Variants in PTCHD4 observed in about 807,000 individuals in gnomAD.
PTCHD4 encodes the protein patched domain-containing protein 4.
Under a neutral mutation model 58.1 loss-of-function variants are expected in PTCHD4, and 33 were observed. That is an observed-to-expected ratio of 0.57 (90% CI 0.43 to 0.76). The LOEUF is 0.76. Among genes scored for constraint, PTCHD4 ranks in the 30% least tolerant of loss-of-function variants. The pLI is 0.00. For missense variants in PTCHD4, 1,058 were observed against 1,027.1 expected (o/e 1.03, Z -0.41); for synonymous variants, 478 against 409.6 (o/e 1.17, Z -2.02).
chr6:47,899,210 G>C (rs1561945926), intron 4 of PTCHD4, among the ~76,000 whole-genome samples: 1 of 152,196 alleles, frequency 6.6e-6, no homozygotes, highest in Non-Finnish European at 1.5e-5. Flanking sequence ...ATATTTCTTA[G>C]TTGCTCCTAT....
At chr6:48,037,638 C>A (rs1399531766) in intron 3 of PTCHD4, among the ~76,000 whole-genome samples, 1 of 151,960 alleles carries the variant, frequency 6.6e-6, no homozygotes, top group East Asian at 1.9e-4. Context: ...TGACATGTAA[C>A]TCATAACAGA....
chr6:48,066,098 A>AC (rs146770940), intron 3 of PTCHD4, among the ~76,000 whole-genome samples: 4,960 of 147,098 alleles, frequency 0.034, 144 homozygotes, highest in African/African-American at 0.076. Context: ...ACTGACATCT[A>AC]CTTTTTTTTT....
At position 47,879,037 on chromosome 6, in the gene PTCHD4, T is replaced by C. The variant is rs746354968; in HGVS notation, c.1798A>G (p.Ile600Val). ...IFSKAGDESNIIASRLYLVAR... is the reference protein window; with the variant it reads ...IFSKAGDESNVIASRLYLVAR... The stretch of plus-strand genomic sequence containing the variant: ...ACCAGATACAAGCGAGAAGCAATGA[T>C]ATTGCTTTCATCCCCTGCCTTGGAG... The change falls in exon 5 of 5, where the codon ATC becomes GTC. Residue 600 changes from isoleucine (I) to valine (V), a missense_variant. Physicochemically the swap from Ile to Val is conservative, Grantham distance 29. Transcript: ENST00000339488. 1 of 1,613,470 alleles carries C rather than the reference T, an allele frequency of 6.2e-7. No homozygotes were observed. The highest frequency in any genetic ancestry group is 1.1e-5 in the South Asian group (1 of 91,082).
At chr6:47,945,569 T>A (rs1766384370) in intron 4 of PTCHD4, among the ~76,000 whole-genome samples, 1 of 152,010 alleles carries the variant, frequency 6.6e-6, no homozygotes, top group African/African-American at 2.4e-5. Context: ...ATAAATGTAA[T>A]CATTCTGCGT....
At chr6:47,952,722 G>T (rs1292969309) in intron 4 of PTCHD4, among the ~76,000 whole-genome samples, 1 of 152,030 alleles carries the variant, frequency 6.6e-6, no homozygotes, top group Non-Finnish European at 1.5e-5. Flanking sequence ...TTGTAGTTTA[G>T]GAGCAATAGG....
chr6:47,952,797 G>A (rs553735130), intron 4 of PTCHD4, among the ~76,000 whole-genome samples: 4 of 151,960 alleles, frequency 2.6e-5, no homozygotes, highest in Admixed American at 6.6e-5. Context: ...TGCACTGTAC[G>A]GTGTTTGCAC....
chr6:47,862,026 A>T lies in PTCHD4; in HGVS notation c.*16277T>A, dbSNP rs188057789. The stretch of plus-strand genomic sequence containing the variant: ...TAGCTGTGACTTCCTATTATTGAAC[A>T]TAACCCAGTACTCTAAGTATTCGAA... On this transcript the variant is annotated 3_prime_UTR_variant, in exon 5 of 5. Transcript: ENST00000339488. 1.7e-3 allele frequency among the ~76,000 whole-genome samples: 265 copies of T among 152,034 alleles called. No homozygotes were observed. The highest frequency in any genetic ancestry group is 5.1e-3 in the African/African-American group (210 of 41,548).
chr6:48,053,336 C>T (rs540072086), intron 3 of PTCHD4, among the ~76,000 whole-genome samples: 1 of 152,130 alleles, frequency 6.6e-6, no homozygotes, highest in Admixed American at 6.5e-5. Flanking sequence ...TTCACTTTGT[C>T]GTTCATTAAT....
At chr6:47,967,762 CT>C (rs1767348542) in intron 4 of PTCHD4, among the ~76,000 whole-genome samples, 1 of 152,188 alleles carries the variant, frequency 6.6e-6, no homozygotes, top group African/African-American at 2.4e-5. Flanking sequence ...CATGAATCAA[CT>C]TTTGCTAGCT....
chr6:47,895,123 A>G (rs1764494461), intron 4 of PTCHD4, among the ~76,000 whole-genome samples: 1 of 145,846 alleles, frequency 6.9e-6, no homozygotes, highest in Non-Finnish European at 1.5e-5. Flanking sequence ...CGACAGAGTG[A>G]GATTCTGTCT....
intron 4 of PTCHD4, among the ~76,000 whole-genome samples, chr6:47,969,071 A>C (rs1767405607): frequency 6.6e-6 from 1 of 152,214 alleles, no homozygotes; most frequent in African/African-American, 2.4e-5. Context: ...TCCACTTGAC[A>C]TTGCTAAAAT....
intron 1 of PTCHD4, among the ~76,000 whole-genome samples, chr6:48,075,018 T>C (rs1765037631): frequency 1.3e-5 from 2 of 152,158 alleles, no homozygotes; most frequent in African/African-American, 2.4e-5. Flanking sequence ...AGCATATATA[T>C]TATTCACCTG....
At chr6:48,022,421 C>G (rs557591446) in intron 3 of PTCHD4, among the ~76,000 whole-genome samples, 1 of 152,098 alleles carries the variant, frequency 6.6e-6, no homozygotes, top group East Asian at 1.9e-4. Context: ...GACAGACATG[C>G]TTTGAAAATA....
intron 4 of PTCHD4, chr6:47,901,964 C>T: frequency 7.9e-7 from 1 of 1,260,822 alleles, no homozygotes; most frequent in Non-Finnish European, 1.1e-6. Context: ...AAGTCAGTAA[C>T]AAGAGTTATG....
Position 47,878,434 on chromosome 6 carries a change from G to A in PTCHD4, c.2401C>T (p.Pro801Ser), listed in dbSNP as rs1040292485. Residue 801 changes from proline (P) to serine (S), a missense_variant, in exon 5 of 5, where the codon CCT (proline) becomes TCT (serine). Transcript: ENST00000339488. ...GGGGGGAAAAACGTTAGGAACACAGGTAAAATAACAAAACAGTGCAGAAGT... is the reference window on the plus strand; with the variant it reads ...GGGGGGAAAAACGTTAGGAACACAGATAAAATAACAAAACAGTGCAGAAGT... ...CTLLHCFVIL[P>S]VFLTFFPPSK... 5 of 1,613,450 alleles carry A rather than the reference G, an allele frequency of 3.1e-6. No homozygotes were observed. The highest frequency in any genetic ancestry group is 3.4e-6 in the Non-Finnish European group (4 of 1,179,672).
chr6:47,922,062 C>T (rs1177483732), intron 4 of PTCHD4, among the ~76,000 whole-genome samples: 1 of 151,842 alleles, frequency 6.6e-6, no homozygotes, highest in Non-Finnish European at 1.5e-5. Flanking sequence ...TGCTTGAGCC[C>T]AGGAGTTTGA....
chr6:48,100,147 T>C (rs912500447), intron 1 of PTCHD4, among the ~76,000 whole-genome samples: 1 of 152,194 alleles, frequency 6.6e-6, no homozygotes, highest in Non-Finnish European at 1.5e-5. Context: ...TGTGAGTGGA[T>C]GTGCATAAGG....
chr6:48,059,040 A>G (rs575843183), intron 3 of PTCHD4, among the ~76,000 whole-genome samples: 9 of 152,358 alleles, frequency 5.9e-5, no homozygotes, highest in East Asian at 1.9e-4. Context: ...CTGAAGGTCA[A>G]CGCTCAAGAA....
intron 4 of PTCHD4, among the ~76,000 whole-genome samples, chr6:47,956,025 G>A (rs1425265438): frequency 6.6e-6 from 1 of 152,146 alleles, no homozygotes; most frequent in Admixed American, 6.5e-5. Flanking sequence ...TTGACATCTA[G>A]GAAAGTATTT....
Sources: allele counts gnomAD v4.1 joint callset (sites outside exome capture counted in the v4.1 genomes callset), GRCh38; gene constraint gnomAD v4.1.1; transcripts MANE v1.5; gene names NCBI Gene and HGNC (gene_info 2026-07-23, HGNC 2026-07-21).